Variants in THEMIS observed in about 807,000 individuals in gnomAD.
THEMIS encodes protein THEMIS.
THEMIS carries 37 observed loss-of-function variants against 52.6 expected under a neutral mutation model. The observed-to-expected ratio is 0.70, with a 90% confidence interval of 0.54 to 0.93. The LOEUF is 0.93. Ranked by LOEUF, THEMIS falls within the 40% of genes least tolerant of loss-of-function variation. THEMIS has a pLI of 0.00. For missense variants in THEMIS, 808 were observed against 763.1 expected (o/e 1.06, Z -0.69); for synonymous variants, 292 against 272.7 (o/e 1.07, Z -0.70).
At chr6:127,817,554 AG>A (rs1421887959) in intron 3 of THEMIS, among the ~76,000 whole-genome samples, 1 of 152,232 alleles carries the variant, frequency 6.6e-6, no homozygotes, top group Non-Finnish European at 1.5e-5. Context: ...TTAATAAAAA[AG>A]ATTAGGCAAA....
At chr6:127,877,869 T>G (rs1160366311) in intron 1 of THEMIS, among the ~76,000 whole-genome samples, 1 of 152,126 alleles carries the variant, frequency 6.6e-6, no homozygotes, top group Non-Finnish European at 1.5e-5. Context: ...AAAAGCAATA[T>G]TTACTTGTGA....
intron 4 of THEMIS, among the ~76,000 whole-genome samples, chr6:127,798,986 C>G (rs1215800173): frequency 1.8e-4 from 23 of 128,514 alleles, no homozygotes; most frequent in Non-Finnish European, 2.4e-4. Context: ...AGCGAGACTC[C>G]GTCTCAAAAA....
upstream of THEMIS, among the ~76,000 whole-genome samples, chr6:127,902,534 T>C (rs1406841540): frequency 1.3e-5 from 2 of 152,008 alleles, no homozygotes; most frequent in Non-Finnish European, 1.5e-5. Flanking sequence ...CCTAGAAAGA[T>C]AAAAACTGCC....
At chr6:127,798,198 T>C (rs540529851) in intron 4 of THEMIS, among the ~76,000 whole-genome samples, 1 of 152,382 alleles carries the variant, frequency 6.6e-6, no homozygotes, top group East Asian at 1.9e-4. Context: ...TCTTTCATTT[T>C]TCTCTTTTCT....
At chr6:127,801,563 C>T (rs1777536104) in intron 4 of THEMIS, among the ~76,000 whole-genome samples, 1 of 152,130 alleles carries the variant, frequency 6.6e-6, no homozygotes, top group East Asian at 1.9e-4. Context: ...AGTTTCGAAA[C>T]TCTCATGAAC....
At chr6:127,759,069 G>A (rs1775930737) in intron 4 of THEMIS, among the ~76,000 whole-genome samples, 1 of 152,030 alleles carries the variant, frequency 6.6e-6, no homozygotes, top group African/African-American at 2.4e-5. Flanking sequence ...TACAGAAATT[G>A]GTTGTGTTTT....
intron 1 of THEMIS, among the ~76,000 whole-genome samples, chr6:127,892,156 A>ACG (rs1022610524): frequency 6.6e-6 from 1 of 152,138 alleles, no homozygotes; most frequent in Non-Finnish European, 1.5e-5. Flanking sequence ...GGGCCTGCCC[A>ACG]CGCCTCAGTC....
rs1781120077 is a variant in THEMIS at position 127,900,986 on chromosome 6, T to C, written c.-54A>G. Reference sequence around the variant, plus strand: ...GGTGCTCACAGAAACTTGTGGCTTCTGGGTGACACTTGTCTGCAATTGCAG... The same window carrying C: ...GGTGCTCACAGAAACTTGTGGCTTCCGGGTGACACTTGTCTGCAATTGCAG... On this transcript the variant is annotated 5_prime_UTR_variant, in exon 1 of 6. Transcript: ENST00000368248. The C allele has an allele frequency of 7.1e-7, 1 of 1,414,272 alleles. No homozygotes were observed. The highest frequency in any genetic ancestry group is 1.4e-5 in the African/African-American group (1 of 70,650). The allele number at this position is 1,414,272 out of a possible 1,614,324, so 87.6% of individuals were successfully genotyped here.
chr6:127,729,860 T>G (rs1263740593), intron 4 of THEMIS, among the ~76,000 whole-genome samples: 2 of 152,232 alleles, frequency 1.3e-5, no homozygotes, highest in Non-Finnish European at 2.9e-5. Context: ...AGGAAAAGTA[T>G]ATTGTTAATC....
rs766519024 is a variant in THEMIS, at chr6:127,839,928, T to TA, written c.251-9995dup. Among the ~76,000 whole-genome samples the TA allele has an allele frequency of 2.3e-4, 35 of 151,992 alleles. 1 individual carries two copies. In the East Asian group the frequency reaches 3.9e-3, roughly 17 times the overall value. ...TTGAAGATTTAAAATTTCATGTTTC[T>TA]AAAAAAATGGAGACAGGGACACTAA... On this transcript the variant is annotated intron_variant, in intron 2 of 5. Coordinates refer to ENST00000368248, the MANE Select transcript of THEMIS (RefSeq NM_001010923.3).
intron 1 of THEMIS, among the ~76,000 whole-genome samples, chr6:127,872,428 C>T (rs897902971): frequency 1.3e-5 from 2 of 151,808 alleles, no homozygotes; most frequent in Non-Finnish European, 2.9e-5. Flanking sequence ...AAAAATTAGC[C>T]GGGCACAATG....
chr6:127,911,738 A>G (rs1171522858), intron 1 of THEMIS, among the ~76,000 whole-genome samples: 1 of 151,484 alleles, frequency 6.6e-6, no homozygotes, highest in African/African-American at 2.5e-5. Context: ...GGATGTATGG[A>G]AATGCCAGGA....
At chr6:127,832,278 C>G (rs1008810481) in intron 2 of THEMIS, among the ~76,000 whole-genome samples, 2 of 152,080 alleles carry the variant, frequency 1.3e-5, no homozygotes, top group Admixed American at 6.5e-5. Flanking sequence ...CTGGATGTCT[C>G]TATTGCAAGA....
chr6:127,822,756 T>C (rs1020914302), intron 3 of THEMIS, among the ~76,000 whole-genome samples: 5 of 152,238 alleles, frequency 3.3e-5, no homozygotes, highest in Middle Eastern at 3.4e-3. Flanking sequence ...CTACAATCAG[T>C]TGACTTTCAG....
chr6:127,868,622 G>A (rs951546500), intron 1 of THEMIS, among the ~76,000 whole-genome samples: 1 of 152,120 alleles, frequency 6.6e-6, no homozygotes, highest in Non-Finnish European at 1.5e-5. Flanking sequence ...AAGCTGCCTT[G>A]TCTATTTATT....
At chr6:127,904,411 A>G (rs1217735945), upstream of THEMIS, among the ~76,000 whole-genome samples, 1 of 152,042 alleles carries the variant, frequency 6.6e-6, no homozygotes, top group Non-Finnish European at 1.5e-5. Flanking sequence ...GGGCTCCTGA[A>G]GGCTGCTTCC....
chr6:127,859,122 G>A (rs1310690451), intron 1 of THEMIS, among the ~76,000 whole-genome samples: 1 of 151,928 alleles, frequency 6.6e-6, no homozygotes, highest in Admixed American at 6.6e-5. Context: ...AACTGCATTG[G>A]ATGTTTCTCC....
chr6:127,711,801 A>C (rs1223360891), intron 5 of THEMIS, among the ~76,000 whole-genome samples: 1 of 151,922 alleles, frequency 6.6e-6, no homozygotes, highest in Admixed American at 6.6e-5. Context: ...TTTCTTAGGG[A>C]GCAGGGGGAT....
intron 1 of THEMIS, among the ~76,000 whole-genome samples, chr6:127,859,081 G>T (rs941463826): frequency 1.3e-5 from 2 of 152,046 alleles, no homozygotes; most frequent in African/African-American, 4.8e-5. Context: ...TCCCTACAAA[G>T]TTAAAAACGT....
Sources: allele counts gnomAD v4.1 joint callset (sites outside exome capture counted in the v4.1 genomes callset), GRCh38; gene constraint gnomAD v4.1.1; transcripts MANE v1.5; gene names NCBI Gene and HGNC (gene_info 2026-07-23, HGNC 2026-07-21).